The following PIKFYVE variants were observed in gnomAD, a reference collection of about 807,000 sequenced individuals.
PIKFYVE encodes phosphoinositide kinase, FYVE-type zinc finger containing.
Under a neutral mutation model 257.9 loss-of-function variants are expected in PIKFYVE, and 122 were observed. That is an observed-to-expected ratio of 0.47 (90% confidence interval 0.41 to 0.55). The LOEUF is 0.55. Ranked by LOEUF, PIKFYVE falls within the 20% of genes least tolerant of loss-of-function variation. The pLI, the probability that PIKFYVE is intolerant of heterozygous loss-of-function variation, is 0.00. For missense variants in PIKFYVE, 2,160 were observed against 2,536.6 expected (o/e 0.85, Z 3.19); for synonymous variants, 892 against 868.9 (o/e 1.03, Z -0.47).
intron 38 of PIKFYVE, among the ~76,000 whole-genome samples, chr2:208,352,121 C>A (rs1044540698): frequency 2.6e-5 from 4 of 152,152 alleles, no homozygotes; most frequent in African/African-American, 9.7e-5. Context: ...TATAAAAAAT[C>A]ACTTAAGACA....
intron 10 of PIKFYVE, 69 bp from the exon 11 acceptor site, chr2:208,304,102 A>G: frequency 1.3e-6 from 2 of 1,504,720 alleles, no homozygotes; most frequent in Non-Finnish European, 1.8e-6. Context: ...CAATTTATTT[A>G]TAGTGTGACA....
At position 208,271,543 on chromosome 2, in the gene PIKFYVE, C is replaced by T; in HGVS notation, c.24C>T (p.Ser8=). MATDDKT[S]PTLDSANDLP... ...AAATGGCCACAGATGATAAGACGTC[C>T]CCAACACTGGACTCTGCTAATGATT... is the stretch of plus-strand genomic sequence containing the variant. The change falls in exon 2 of 42, where the codon TCC becomes TCT. Residue 8 remains serine, a synonymous_variant. Transcript: ENST00000264380. 6.2e-7 allele frequency: 1 copy of T among 1,614,074 alleles called. No individual in the cohort carries two copies. The highest frequency in any genetic ancestry group is 1.3e-5 in the African/African-American group (1 of 74,988).
At chr2:208,289,930 A>G (rs1321487841) in intron 7 of PIKFYVE, among the ~76,000 whole-genome samples, 1 of 152,184 alleles carries the variant, frequency 6.6e-6, no homozygotes, top group Non-Finnish European at 1.5e-5. Context: ...AGTAAGTTGC[A>G]GACATCATTA....
chr2:208,345,938 G>T (rs947929882), intron 33 of PIKFYVE, 112 bp from the exon 34 acceptor site: 1 of 725,248 alleles, frequency 1.4e-6, no homozygotes, highest in Non-Finnish European at 2.4e-6. Context: ...TATTGTAGGT[G>T]GGCTTAGGTA....
chr2:208,313,053 A>G (rs921589247), intron 13 of PIKFYVE, among the ~76,000 whole-genome samples: 3 of 152,136 alleles, frequency 2.0e-5, no homozygotes, highest in Non-Finnish European at 4.4e-5. Context: ...GAAATGTGCA[A>G]TTCTTGTACT....
chr2:208,301,823 T>C (rs1376684760), intron 9 of PIKFYVE, among the ~76,000 whole-genome samples: 8 of 152,214 alleles, frequency 5.3e-5, no homozygotes, highest in Admixed American at 1.3e-4. Context: ...ATGGTGTCAT[T>C]AAGTGTCTAT....
chr2:208,271,717 T>G, intron 2 of PIKFYVE, 26 bp downstream of exon 2: 1 of 1,597,942 alleles, frequency 6.3e-7, no homozygotes. Flanking sequence ...GATAAGAGGT[T>G]TGATTCAGGT....
chr2:208,346,179 T>C (rs770352033), intron 34 of PIKFYVE, 32 bp downstream of exon 34: 1 of 1,507,246 alleles, frequency 6.6e-7, no homozygotes, highest in Non-Finnish European at 9.2e-7. Flanking sequence ...TATTTATAAT[T>C]AGATTTACCT....
intron 12 of PIKFYVE, chr2:208,305,247 T>C: frequency 1.4e-6 from 2 of 1,395,938 alleles, no homozygotes; most frequent in Non-Finnish European, 1.9e-6. Context: ...GTAAAGCTTG[T>C]AGTCTTTAAA....
Position 208,326,391 on chromosome 2 carries a change from A to G in PIKFYVE, c.3580A>G (p.Arg1194Gly). The stretch of plus-strand genomic sequence containing the variant: ...AAGCAAAAATGAGGGTGATGAAGAG[A>G]GAGGGCTTATTCTGAGTGATGCTGT... ...SGSKNEGDEE[R>G]GLILSDAVWS... Residue 1194 changes from arginine (R) to glycine (G), a missense_variant, in exon 20 of 42, where the codon AGA becomes GGA. Arg to Gly is a moderately radical substitution (Grantham distance 125). Around this residue, in one of 12 missense-constraint regions of PIKFYVE, gnomAD observed 522 missense variants for 514.6 expected, o/e 1.01. Transcript: ENST00000264380. 1.2e-6 allele frequency: 2 copies of G among 1,614,096 alleles called. No individual in the cohort carries two copies. Among genetic ancestry groups the G allele is most frequent in the South Asian group, 2.2e-5 (2 of 91,086 alleles).
At chr2:208,346,390 A>G (rs1283683889) in intron 34 of PIKFYVE, among the ~76,000 whole-genome samples, 2 of 152,194 alleles carry the variant, frequency 1.3e-5, no homozygotes, top group Middle Eastern at 3.2e-3. Context: ...TCTTTGGTCT[A>G]TGCAAAAAGG....
At position 208,325,321 on chromosome 2, in the gene PIKFYVE, G is replaced by A. The variant is rs1696796837; in HGVS notation, c.2510G>A (p.Cys837Tyr). Residue 837 changes from cysteine (C) to tyrosine (Y), a missense_variant, in exon 20 of 42, where the codon TGT becomes TAT. Physicochemically the swap from Cys to Tyr is radical, Grantham distance 194. Around this residue, in one of 12 missense-constraint regions of PIKFYVE, gnomAD observed 522 missense variants for 514.6 expected, o/e 1.01. Transcript: ENST00000264380. ...FFEGCPQHLG[C>Y]TIKLRGGSDY... ...GAAGGTTGTCCACAGCACCTAGGCT[G>A]TACAATCAAGCTAAGAGGAGGCTCT... 1.2e-6 allele frequency: 2 copies of A among 1,614,166 alleles called. No individual in the cohort carries two copies. The highest frequency in any genetic ancestry group is 1.7e-6 in the Non-Finnish European group (2 of 1,180,024).
chr2:208,278,203 G>A (rs1690351506), intron 5 of PIKFYVE, among the ~76,000 whole-genome samples: 1 of 152,102 alleles, frequency 6.6e-6, no homozygotes, highest in African/African-American at 2.4e-5. Context: ...TGATTTGGGA[G>A]TAGAAGATAG....
At chr2:208,326,975 G>A (rs546305841) in intron 20 of PIKFYVE, among the ~76,000 whole-genome samples, 2 of 152,208 alleles carry the variant, frequency 1.3e-5, no homozygotes, top group Admixed American at 6.5e-5. Context: ...GATAATGGTA[G>A]CAATAAAACT....
intron 15 of PIKFYVE, among the ~76,000 whole-genome samples, chr2:208,317,009 A>G (rs933478998): frequency 2.0e-5 from 3 of 151,856 alleles, no homozygotes; most frequent in African/African-American, 7.3e-5. Context: ...CTTAAACGTT[A>G]GACCTAAAAC....
At chr2:208,338,628 A>G (rs992233392) in intron 29 of PIKFYVE, 60 bp downstream of exon 29, 1 of 1,537,786 alleles carries the variant, frequency 6.5e-7, no homozygotes, top group Admixed American at 1.7e-5. Context: ...CTTATTGTAT[A>G]AGTTGTTTTA....
At chr2:208,273,060 A>G (rs1689644865) in intron 2 of PIKFYVE, among the ~76,000 whole-genome samples, 1 of 152,244 alleles carries the variant, frequency 6.6e-6, no homozygotes, top group African/African-American at 2.4e-5. Flanking sequence ...TCATAAGACA[A>G]TAAAATTTCT....
At chr2:208,314,637 G>C (rs1199157373) in intron 14 of PIKFYVE, among the ~76,000 whole-genome samples, 3 of 152,170 alleles carry the variant, frequency 2.0e-5, no homozygotes, top group Admixed American at 6.5e-5. Flanking sequence ...AGTGGCTCAC[G>C]CCTGTAATCC....
In PIKFYVE at chr2:208,326,005, C is replaced by A; in HGVS notation, c.3194C>A (p.Pro1065His). 1 of 1,614,096 alleles carries A rather than the reference C, an allele frequency of 6.2e-7. No individual in the cohort carries two copies. Among genetic ancestry groups the A allele is most frequent in the Non-Finnish European group, 8.5e-7 (1 of 1,180,012 alleles). ...CISPVITFRE[P>H]FLLTEKGMRC... ...TCCCCAGTAATCACATTCCGAGAAC[C>A]CTTTCTTTTAACTGAAAAGGGGATG... The change falls in exon 20 of 42, where the codon CCC becomes CAC. Residue 1065 changes from proline (P) to histidine (H), a missense_variant. By Grantham distance (77) the Pro-to-His change is moderately conservative (BLOSUM62 -2). Coordinates refer to ENST00000264380, the MANE Select transcript of PIKFYVE (RefSeq NM_015040.4).
Sources: allele counts gnomAD v4.1 joint callset (sites outside exome capture counted in the v4.1 genomes callset), GRCh38; gene constraint gnomAD v4.1.1; regional missense constraint gnomAD v4.1.1; transcripts MANE v1.5; gene names NCBI Gene and HGNC (gene_info 2026-07-23, HGNC 2026-07-21).